Variants in GYPE observed in about 807,000 individuals in gnomAD.
GYPE encodes glycophorin-E.
Under a neutral mutation model 11.6 loss-of-function variants are expected in GYPE, and 8 were observed. The observed-to-expected ratio is 0.69, with a 90% CI of 0.41 to 1.25. The LOEUF (loss-of-function observed/expected upper bound fraction) is 1.25, where lower values mean the gene tolerates loss of function less well. Ranked by LOEUF, GYPE falls within the 50% of genes most tolerant of loss-of-function variation. The probability of loss-of-function intolerance (pLI) is 0.01; values close to 1 mark genes in which losing one functional copy is unlikely to be tolerated. For synonymous variants in GYPE, 28 were observed against 29.6 expected, an observed-to-expected ratio of 0.94 and a Z score of 0.18; for missense variants, 90 against 92.8, an observed-to-expected ratio of 0.97 and a Z score of 0.12.
intron 1 of GYPE, among the ~76,000 whole-genome samples, chr4:143,900,021 A>C (rs544817035): frequency 1.5e-5 from 2 of 134,400 alleles, no homozygotes; most frequent in South Asian, 2.7e-4. Context: ...CTACAGAATG[A>C]AGGAAAAGAT....
intron 1 of GYPE, among the ~76,000 whole-genome samples, chr4:143,902,759 A>G (rs1176735179): frequency 2.0e-5 from 3 of 152,118 alleles, no homozygotes; most frequent in Non-Finnish European, 4.4e-5. Flanking sequence ...AGGCATGATG[A>G]TATCACACCA....
chr4:143,876,075 GAATT>G (rs1279254430), intron 3 of GYPE, among the ~76,000 whole-genome samples: 2 of 151,854 alleles, frequency 1.3e-5, no homozygotes, highest in Non-Finnish European at 2.9e-5. Flanking sequence ...AAATATGTGA[GAATT>G]AAGAAAGGCA....
chr4:143,882,517 G>C (rs1744079381), intron 1 of GYPE, among the ~76,000 whole-genome samples: 1 of 152,148 alleles, frequency 6.6e-6, no homozygotes, highest in Non-Finnish European at 1.5e-5. Flanking sequence ...AGCTATGAAA[G>C]TGTTATGAAA....
chr4:143,894,413 G>T (rs1376952116), intron 1 of GYPE, among the ~76,000 whole-genome samples: 1 of 151,896 alleles, frequency 6.6e-6, no homozygotes, highest in Non-Finnish European at 1.5e-5. Context: ...CAGTTTTTCT[G>T]CTCTGTTTTT....
intron 1 of GYPE, among the ~76,000 whole-genome samples, chr4:143,903,901 G>A (rs1744962003): frequency 6.6e-6 from 1 of 152,124 alleles, no homozygotes; most frequent in South Asian, 2.1e-4. Flanking sequence ...ACACCCCCCA[G>A]TAGAGTATGC....
chr4:143,892,877 G>T (rs1744467235), intron 1 of GYPE, among the ~76,000 whole-genome samples: 1 of 150,552 alleles, frequency 6.6e-6, no homozygotes, highest in African/African-American at 2.4e-5. Flanking sequence ...TTAACTTTCT[G>T]TCTCATTGAT....
At chr4:143,891,256 A>G (rs1744390029) in intron 1 of GYPE, among the ~76,000 whole-genome samples, 1 of 151,378 alleles carries the variant, frequency 6.6e-6, no homozygotes, top group Admixed American at 6.6e-5. Context: ...TCCAGTAATG[A>G]TTTGTGGGCA....
intron 1 of GYPE, among the ~76,000 whole-genome samples, chr4:143,890,385 A>G (rs1488504825): frequency 6.6e-6 from 1 of 152,232 alleles, no homozygotes; most frequent in African/African-American, 2.4e-5. Context: ...TGAACTTCAC[A>G]CACATTAAAT....
intron 1 of GYPE, among the ~76,000 whole-genome samples, chr4:143,891,813 G>T (rs558292375): frequency 1.3e-5 from 2 of 152,218 alleles, no homozygotes; most frequent in African/African-American, 4.8e-5. Flanking sequence ...ATTCAAACCT[G>T]CAGTCAAGAT....
At chr4:143,899,623 C>A (rs1392326014) in intron 1 of GYPE, among the ~76,000 whole-genome samples, 4 of 151,074 alleles carry the variant, frequency 2.6e-5, no homozygotes, top group African/African-American at 9.7e-5. Flanking sequence ...CAAGAACAGA[C>A]ATATTCTTCG....
chr4:143,892,452 T>G (rs1440445729), intron 1 of GYPE, among the ~76,000 whole-genome samples: 1 of 151,704 alleles, frequency 6.6e-6, no homozygotes, highest in African/African-American at 2.4e-5. Context: ...CATTTAGTGC[T>G]ATAAATTTCC....
chr4:143,897,118 G>A (rs111532787), intron 1 of GYPE, among the ~76,000 whole-genome samples: 8 of 151,600 alleles, frequency 5.3e-5, no homozygotes, highest in Admixed American at 2.0e-4. Flanking sequence ...GTAACTAACC[G>A]GCACATTGTG....
chr4:143,878,112 A>C (rs555476633), intron 2 of GYPE, among the ~76,000 whole-genome samples: 1 of 150,690 alleles, frequency 6.6e-6, no homozygotes, highest in African/African-American at 2.4e-5. Context: ...TATTTCCAAA[A>C]TGTTTTTATT....
intron 3 of GYPE, among the ~76,000 whole-genome samples, chr4:143,872,911 A>C (rs1320109459): frequency 3.3e-5 from 5 of 152,118 alleles, no homozygotes; most frequent in Non-Finnish European, 4.4e-5. Flanking sequence ...TGAGCTGAGC[A>C]TGTGGACAGG....
chr4:143,903,440 A>G (rs1484506205), intron 1 of GYPE, among the ~76,000 whole-genome samples: 1 of 144,854 alleles, frequency 6.9e-6, no homozygotes, highest in African/African-American at 2.5e-5. Context: ...TTGGAAGAAG[A>G]TCTCTGGTAA....
intron 3 of GYPE, among the ~76,000 whole-genome samples, chr4:143,873,063 A>AG (rs1344030633): frequency 6.6e-6 from 1 of 152,194 alleles, no homozygotes; most frequent in African/African-American, 2.4e-5. Flanking sequence ...AATATAAAAA[A>AG]CAAGAGTAGA....
At chr4:143,894,142 G>C (rs567776021) in intron 1 of GYPE, among the ~76,000 whole-genome samples, 8 of 152,044 alleles carry the variant, frequency 5.3e-5, no homozygotes, top group Middle Eastern at 3.4e-3. Context: ...AGTTCTCGAG[G>C]CTTGGCTTTC....
intron 1 of GYPE, among the ~76,000 whole-genome samples, chr4:143,897,969 T>C (rs1318310965): frequency 1.3e-5 from 2 of 152,196 alleles, no homozygotes; most frequent in Non-Finnish European, 2.9e-5. Context: ...CAAGGAATCA[T>C]AAAATATGAA....
intron 1 of GYPE, among the ~76,000 whole-genome samples, chr4:143,881,627 ATTC>A (rs1560940575): frequency 6.6e-6 from 1 of 152,220 alleles, no homozygotes; most frequent in Non-Finnish European, 1.5e-5. Context: ...GCTGTCAAAT[ATTC>A]TTCTATGAGA....
Sources: gnomAD v4.1 joint callset for allele counts (sites outside exome capture counted in the v4.1 genomes callset) on GRCh38, gnomAD v4.1.1 for gene constraint, MANE v1.5 for transcripts, NCBI Gene and HGNC (gene_info 2026-07-23, HGNC 2026-07-21) for gene names.